AMELY: variants seen among roughly 807,000 people sequenced by gnomAD.
The protein encoded by AMELY is amelogenin, Y isoform.
AMELY carries 4 observed loss-of-function variants against 4.2 expected under a neutral mutation model. The ratio of observed to expected loss-of-function variants is 0.96; its 90% CI spans 0.47 to 2.19. The LOEUF (loss-of-function observed/expected upper bound fraction) is 2.19, where lower values mean the gene tolerates loss of function less well. Among genes scored for constraint, AMELY ranks in the 30% most tolerant of loss-of-function variants. The pLI, the probability that AMELY is intolerant of heterozygous loss-of-function variation, is 0.02. For synonymous variants in AMELY, 11 were observed against 14.7 expected (o/e 0.75, Z 0.57); for missense variants, 32 against 41.5 (o/e 0.77, Z 0.63).
chrY:6,889,004 A>C, intron 1 of AMELY, among the ~76,000 whole-genome samples: 5 of 30,486 alleles, frequency 1.6e-4, no homozygotes, highest in Non-Finnish European at 3.9e-4. Context: ...GAGGTTTGAC[A>C]CCAGCATGGC....
intron 1 of AMELY, among the ~76,000 whole-genome samples, chrY:6,893,423 C>A (rs2054084671): frequency 3.0e-5 from 1 of 33,573 alleles, no homozygotes; most frequent in South Asian, 6.7e-4. Flanking sequence ...TAGATTAATT[C>A]TTTTTATTTA....
chrY:6,881,936 G>A (rs919265402), intron 1 of AMELY, among the ~76,000 whole-genome samples: 19 of 32,703 alleles, frequency 5.8e-4, no homozygotes, highest in Admixed American at 3.7e-3. Context: ...AATAAAAGAG[G>A]ACACAAACAA....
chrY:6,885,255 G>A (rs2054078483), intron 1 of AMELY, among the ~76,000 whole-genome samples: 4 of 32,663 alleles, frequency 1.2e-4, no homozygotes, highest in Non-Finnish European at 2.3e-4. Flanking sequence ...CAAGGGGGGC[G>A]GATCACGAGG....
intron 1 of AMELY, chrY:6,900,689 C>T (rs2054088641): frequency 4.2e-5 from 1 of 23,644 alleles, no homozygotes; most frequent in Non-Finnish European, 9.6e-5. Flanking sequence ...CACTGCACTC[C>T]AGCCTGGGCC....
intron 1 of AMELY, among the ~76,000 whole-genome samples, chrY:6,893,693 G>A (rs2054084793): frequency 1.2e-4 from 4 of 32,850 alleles, no homozygotes. Context: ...GACTGGATGT[G>A]GGAGCTCCAA....
intron 1 of AMELY, among the ~76,000 whole-genome samples, chrY:6,907,480 T>C: frequency 3.0e-5 from 1 of 33,277 alleles, no homozygotes; most frequent in Non-Finnish European, 7.4e-5. Context: ...TTAGGGCTAT[T>C]GTCTATTTTA....
intron 1 of AMELY, among the ~76,000 whole-genome samples, chrY:6,909,267 C>G (rs758525819): frequency 1.2e-4 from 4 of 32,910 alleles, no homozygotes; most frequent in African/African-American, 2.4e-4. Context: ...ATCAATTAAC[C>G]GCAAAGTGAC....
At chrY:6,886,039 T>A in intron 1 of AMELY, among the ~76,000 whole-genome samples, 1 of 34,158 alleles carries the variant, frequency 2.9e-5, no homozygotes. Flanking sequence ...AGTTGAAGAT[T>A]AAAAAGAAAC....
intron 1 of AMELY, among the ~76,000 whole-genome samples, chrY:6,879,156 G>C: frequency 3.1e-5 from 1 of 32,355 alleles, no homozygotes. Context: ...CAGTGTAAAA[G>C]TGTTCCTATT....
chrY:6,879,530 T>C (rs2054073858), intron 1 of AMELY, among the ~76,000 whole-genome samples: 1 of 33,803 alleles, frequency 3.0e-5, no homozygotes, highest in Admixed American at 2.7e-4. Context: ...GCTTTTTAGT[T>C]TAACTAGATC....
intron 6 of AMELY, 106 bp from the exon 7 acceptor site, chrY:6,866,184 C>T (rs765569296): frequency 9.9e-6 from 1 of 101,212 alleles, no homozygotes; most frequent in Non-Finnish European, 1.8e-5. Context: ...TGTACAACCA[C>T]TTAAGTTGAA....
At chrY:6,877,506 T>C (rs922748987) in intron 1 of AMELY, among the ~76,000 whole-genome samples, 2 of 32,799 alleles carry the variant, frequency 6.1e-5, no homozygotes, top group Admixed American at 2.8e-4. Context: ...TAGAGAACTA[T>C]CCTAACCAAT....
At chrY:6,899,733 C>CA (rs2054088219) in intron 1 of AMELY, among the ~76,000 whole-genome samples, 1 of 28,974 alleles carries the variant, frequency 3.5e-5, no homozygotes, top group East Asian at 9.1e-4. Flanking sequence ...AACTCCGTCT[C>CA]AAAAAAAAGG....
intron 1 of AMELY, among the ~76,000 whole-genome samples, chrY:6,885,246 A>G (rs375785055): frequency 6.8e-3 from 224 of 32,942 alleles, no homozygotes; most frequent in East Asian, 0.066. Flanking sequence ...TTGGGAGGCC[A>G]AGGGGGGCGG....
intron 1 of AMELY, among the ~76,000 whole-genome samples, chrY:6,875,203 C>A (rs1603021803): frequency 1.5e-4 from 5 of 33,286 alleles, no homozygotes; most frequent in African/African-American, 3.5e-4. Flanking sequence ...CAAGGGACAA[C>A]CTTCAAGTTA....
intron 3 of AMELY, among the ~76,000 whole-genome samples, chrY:6,872,012 C>G: frequency 3.2e-5 from 1 of 31,185 alleles, no homozygotes; most frequent in Non-Finnish European, 7.7e-5. Context: ...CTACAAAAAC[C>G]AAAAACTTCC....
chrY:6,873,987 G>T lies in AMELY; in HGVS notation c.-28C>A. On this transcript the variant is annotated 5_prime_UTR_variant, in exon 2 of 7. The change creates a new upstream start codon in the 5' untranslated region. Coordinates refer to ENST00000651267, the MANE Select transcript of AMELY (RefSeq NM_001143.2). Reference sequence around the variant, plus strand: ...ATCCACATACCTTTAAATATATTCAGAGAAACTTTCTTTGTGCTACACAGG... The same window carrying T: ...ATCCACATACCTTTAAATATATTCATAGAAACTTTCTTTGTGCTACACAGG... 1 of 33,036 alleles carries T rather than the reference G, an allele frequency of 3.0e-5. No homozygotes were observed. Among genetic ancestry groups the T allele is most frequent in the Non-Finnish European group, 7.5e-5 (1 of 13,323 alleles). The allele number at this position is 33,036 out of a possible 400,897, so 8.2% of individuals were successfully genotyped here.
intron 1 of AMELY, chrY:6,901,427 T>G: frequency 2.8e-5 from 1 of 35,413 alleles, no homozygotes; most frequent in Non-Finnish European, 7.3e-5. Context: ...GTACAACTAG[T>G]TAGAAGTTTC....
intron 1 of AMELY, among the ~76,000 whole-genome samples, chrY:6,904,726 C>G: frequency 3.0e-5 from 1 of 33,178 alleles, no homozygotes. Flanking sequence ...TATATACCAC[C>G]TCCATTTGAT....
Sources: allele counts gnomAD v4.1 joint callset (sites outside exome capture counted in the v4.1 genomes callset), GRCh38; gene constraint gnomAD v4.1.1; transcripts MANE v1.5; gene names NCBI Gene and HGNC (gene_info 2026-07-23, HGNC 2026-07-21).